Variants in VTI1A observed in about 807,000 individuals in gnomAD.
VTI1A encodes vesicle transport through interaction with t-SNAREs homolog 1A.
Under a neutral mutation model 34.9 loss-of-function variants are expected in VTI1A, and 22 were observed. The ratio of observed to expected loss-of-function variants is 0.63; its 90% CI spans 0.45 to 0.90. The LOEUF is 0.90. VTI1A is among the 40% of genes least tolerant of loss of function. The pLI is 0.00. For missense variants in VTI1A, 268 were observed against 275.6 expected (o/e 0.97, Z 0.20); for synonymous variants, 87 against 97.3 (o/e 0.89, Z 0.62).
rs528232292 is a variant in VTI1A at position 112,668,473 on chromosome 10, A to C, written c.498+185A>C. On this transcript the variant is annotated intron_variant, in intron 6 of 7. Coordinates refer to ENST00000393077, the MANE Select transcript of VTI1A (RefSeq NM_145206.4). ...AAATAGCAGCTGACTCTATGTCCCCATTCCAGAATGTTCCCAGGTAGGTAT... is the reference window on the plus strand; with the variant it reads ...AAATAGCAGCTGACTCTATGTCCCCCTTCCAGAATGTTCCCAGGTAGGTAT... Among the ~76,000 whole-genome samples the C allele has an allele frequency of 2.6e-5, 4 of 152,280 alleles. No homozygotes were observed. In the East Asian group the frequency reaches 7.7e-4, roughly 29 times the overall value.
chr10:112,808,828 C>G (rs1470874475), intron 7 of VTI1A, among the ~76,000 whole-genome samples: 1 of 152,052 alleles, frequency 6.6e-6, no homozygotes, highest in Non-Finnish European at 1.5e-5. Context: ...CCTCTGGTGT[C>G]GGCTTCTTTC....
intron 5 of VTI1A, among the ~76,000 whole-genome samples, chr10:112,645,665 A>T (rs1846745127): frequency 6.6e-6 from 1 of 152,180 alleles, no homozygotes; most frequent in African/African-American, 2.4e-5. Context: ...AGATGATCTA[A>T]TCCAACTCCT....
chr10:112,535,599 G>A (rs1439370653), intron 4 of VTI1A, among the ~76,000 whole-genome samples: 1 of 152,142 alleles, frequency 6.6e-6, no homozygotes, highest in African/African-American at 2.4e-5. Flanking sequence ...TGGCTCTGCC[G>A]AGCTCCGTTT....
At chr10:112,766,481 A>T (rs536056257) in intron 7 of VTI1A, among the ~76,000 whole-genome samples, 1 of 152,376 alleles carries the variant, frequency 6.6e-6, no homozygotes, top group African/African-American at 2.4e-5. Flanking sequence ...TCTGATTCTT[A>T]CCTGCTGGTT....
At chr10:112,617,951 C>T (rs752080097) in intron 5 of VTI1A, among the ~76,000 whole-genome samples, 12 of 152,008 alleles carry the variant, frequency 7.9e-5, no homozygotes, top group Non-Finnish European at 1.0e-4. Context: ...GTCAGCGGTT[C>T]GAGACCAGCC....
At chr10:112,819,072 T>C (rs1462380105), downstream of VTI1A, among the ~76,000 whole-genome samples, 4 of 152,256 alleles carry the variant, frequency 2.6e-5, no homozygotes, top group Non-Finnish European at 5.9e-5. Flanking sequence ...CTGTAAGTTG[T>C]ATTCAAATGC....
intron 7 of VTI1A, among the ~76,000 whole-genome samples, chr10:112,775,317 A>T (rs1465371406): frequency 6.6e-6 from 1 of 152,230 alleles, no homozygotes; most frequent in Non-Finnish European, 1.5e-5. Flanking sequence ...TTTTCAATCC[A>T]TGGAAGAAGA....
intron 5 of VTI1A, among the ~76,000 whole-genome samples, chr10:112,585,531 C>T (rs1430566256): frequency 6.6e-6 from 1 of 152,094 alleles, no homozygotes; most frequent in Non-Finnish European, 1.5e-5. Flanking sequence ...CTTGAATATT[C>T]TTATAGGCAT....
intron 7 of VTI1A, among the ~76,000 whole-genome samples, chr10:112,721,648 A>G (rs1849810445): frequency 6.6e-6 from 1 of 152,168 alleles, no homozygotes; most frequent in South Asian, 2.1e-4. Flanking sequence ...AGTCCTGTGT[A>G]TTCCCTCCAG....
At position 112,752,902 on chromosome 10, in the gene VTI1A, C is replaced by CT. The variant is rs1222389571; in HGVS notation, c.561-62379dup. On this transcript the variant is annotated intron_variant, in intron 7 of 7. Coordinates refer to ENST00000393077, the MANE Select transcript of VTI1A (RefSeq NM_145206.4). ...CATGGACTTGTTTTTTACCAATGCC[C>CT]TTTTTTTTTGTATGATAGAGGTCTA... Among the ~76,000 whole-genome samples, 60 of 151,054 alleles carry CT rather than the reference C, an allele frequency of 4.0e-4. 1 individual carries two copies. In the South Asian group the frequency reaches 9.9e-3, roughly 25 times the overall value.
At chr10:112,785,236 T>C (rs1469445142) in intron 7 of VTI1A, among the ~76,000 whole-genome samples, 1 of 152,194 alleles carries the variant, frequency 6.6e-6, no homozygotes, top group African/African-American at 2.4e-5. Flanking sequence ...AGCAAGGGGC[T>C]CACTGGGCTC....
intron 7 of VTI1A, among the ~76,000 whole-genome samples, chr10:112,765,842 G>T (rs1037398325): frequency 1.3e-5 from 2 of 152,188 alleles, no homozygotes; most frequent in Non-Finnish European, 2.9e-5. Flanking sequence ...CAGAGTTTCT[G>T]TGTCTAACCT....
rs1209663754 is a variant in VTI1A, at chr10:112,501,893, A to G, written c.265-25194A>G. Among the ~76,000 whole-genome samples the G allele has an allele frequency of 4.6e-5, 7 of 152,068 alleles. No homozygotes were observed. In the East Asian group the frequency reaches 9.6e-4, roughly 21 times the overall value. The stretch of plus-strand genomic sequence containing the variant: ...AAAGTTGACATTTACTTCAATTTCT[A>G]TGATCTCAGGCCCTCGAGTTTCCAC... On this transcript the variant is annotated intron_variant, in intron 3 of 7. Coordinates refer to ENST00000393077, the MANE Select transcript of VTI1A (RefSeq NM_145206.4).
At chr10:112,820,392 A>C (rs6585192), downstream of VTI1A, among the ~76,000 whole-genome samples, 1 of 152,020 alleles carries the variant, frequency 6.6e-6, no homozygotes, top group African/African-American at 2.4e-5. Flanking sequence ...CACCCTATGC[A>C]GTAACTCTCT....
intron 3 of VTI1A, among the ~76,000 whole-genome samples, chr10:112,491,075 C>T (rs1421160880): frequency 6.6e-6 from 1 of 151,928 alleles, no homozygotes; most frequent in Non-Finnish European, 1.5e-5. Flanking sequence ...TTATATTTTC[C>T]TTGGTTTATT....
chr10:112,764,909 T>C (rs542343024), intron 7 of VTI1A, among the ~76,000 whole-genome samples: 37 of 152,330 alleles, frequency 2.4e-4, no homozygotes, highest in Non-Finnish European at 4.4e-4. Context: ...GAGGTACTAA[T>C]ATATCCTTAG....
intron 7 of VTI1A, among the ~76,000 whole-genome samples, chr10:112,679,119 G>T (rs1848128372): frequency 6.6e-6 from 1 of 152,014 alleles, no homozygotes; most frequent in Admixed American, 6.6e-5. Context: ...TTTCATGATT[G>T]CATTTTATTT....
intron 7 of VTI1A, among the ~76,000 whole-genome samples, chr10:112,810,307 G>T (rs920097710): frequency 2.0e-5 from 3 of 150,936 alleles, no homozygotes; most frequent in Non-Finnish European, 4.4e-5. Context: ...GGAGGCTGAG[G>T]CACGAGAATC....
intron 7 of VTI1A, among the ~76,000 whole-genome samples, chr10:112,788,830 A>T (rs971482949): frequency 5.9e-5 from 9 of 151,938 alleles, no homozygotes; most frequent in African/African-American, 2.2e-4. Context: ...TTACATTTTT[A>T]AATGTTCTCA....
Sources: allele counts gnomAD v4.1 joint callset (sites outside exome capture counted in the v4.1 genomes callset), GRCh38; gene constraint gnomAD v4.1.1; transcripts MANE v1.5; gene names NCBI Gene and HGNC (gene_info 2026-07-23, HGNC 2026-07-21).